The following APBB2 variants were observed in gnomAD, a reference collection of about 807,000 sequenced individuals.
APBB2 encodes Fe65-like 1.
APBB2 carries 38 observed loss-of-function variants against 82.5 expected under a neutral mutation model. The ratio of observed to expected loss-of-function variants is 0.46; its 90% CI spans 0.36 to 0.60. APBB2 has a LOEUF of 0.60. Among genes scored for constraint, APBB2 ranks in the 20% least tolerant of loss-of-function variants. The pLI is 0.00. For missense variants in APBB2, 772 were observed against 972.3 expected (o/e 0.79, Z 2.74); for synonymous variants, 341 against 368.2 (o/e 0.93, Z 0.85).
At chr4:40,883,975 G>T (rs1054782772) in intron 12 of APBB2, among the ~76,000 whole-genome samples, 4 of 152,182 alleles carry the variant, frequency 2.6e-5, no homozygotes, top group African/African-American at 9.7e-5. Flanking sequence ...CACTCATGTG[G>T]TCTTATCTCT....
At chr4:41,019,581 G>T (rs189495220) in intron 5 of APBB2, among the ~76,000 whole-genome samples, 17 of 152,294 alleles carry the variant, frequency 1.1e-4, no homozygotes, top group Admixed American at 1.1e-3. Context: ...GTCACAGAGG[G>T]GAAGGTGATG....
chr4:40,865,513 GT>G (rs1203792457), intron 12 of APBB2, among the ~76,000 whole-genome samples: 1 of 152,174 alleles, frequency 6.6e-6, no homozygotes, highest in African/African-American at 2.4e-5. Context: ...TGTCCCTGCA[GT>G]TTTGCCTTTT....
At chr4:40,825,138 G>A (rs1387236607) in intron 15 of APBB2, among the ~76,000 whole-genome samples, 1 of 152,216 alleles carries the variant, frequency 6.6e-6, no homozygotes, top group African/African-American at 2.4e-5. Flanking sequence ...CATTCAGGTT[G>A]TTTCGCTTTT....
chr4:41,031,037 C>T (rs1307782053), intron 5 of APBB2, among the ~76,000 whole-genome samples: 2 of 152,044 alleles, frequency 1.3e-5, no homozygotes. Flanking sequence ...CCAGCCTGGC[C>T]AACATGGTGA....
intron 10 of APBB2, among the ~76,000 whole-genome samples, chr4:40,906,918 A>G (rs1776916693): frequency 2.0e-5 from 3 of 152,176 alleles, no homozygotes; most frequent in Admixed American, 2.0e-4. Context: ...GTGTATATAC[A>G]TGTACATATG....
intron 12 of APBB2, among the ~76,000 whole-genome samples, chr4:40,872,859 G>A (rs566021457): frequency 6.6e-6 from 1 of 151,922 alleles, no homozygotes; most frequent in South Asian, 2.1e-4. Flanking sequence ...GCTGAGGCGG[G>A]TGGATCACCT....
At chr4:41,198,068 A>C in intron 1 of APBB2, among the ~76,000 whole-genome samples, 3 of 152,214 alleles carry the variant, frequency 2.0e-5, no homozygotes, top group Non-Finnish European at 4.4e-5. Flanking sequence ...GCAGATGTGG[A>C]GGTAGAGAAA....
chr4:41,155,944 C>T (rs1763340840), intron 1 of APBB2, among the ~76,000 whole-genome samples: 1 of 152,024 alleles, frequency 6.6e-6, no homozygotes, highest in African/African-American at 2.4e-5. Flanking sequence ...TTATTTTTCC[C>T]CTTTGTTTGT....
At chr4:41,111,622 T>G (rs1424859866) in intron 2 of APBB2, among the ~76,000 whole-genome samples, 1 of 152,220 alleles carries the variant, frequency 6.6e-6, no homozygotes, top group East Asian at 1.9e-4. Flanking sequence ...TGACTCTTGC[T>G]GATGGAAATA....
chr4:41,027,063 T>C (rs1714561718), intron 5 of APBB2, among the ~76,000 whole-genome samples: 1 of 152,172 alleles, frequency 6.6e-6, no homozygotes, highest in South Asian at 2.1e-4. Context: ...TTACAGTTTG[T>C]TTCATTTCTT....
intron 10 of APBB2, among the ~76,000 whole-genome samples, chr4:40,927,427 A>G (rs1782891300): frequency 6.6e-6 from 1 of 152,180 alleles, no homozygotes; most frequent in Non-Finnish European, 1.5e-5. Flanking sequence ...AAGGCCCATT[A>G]GATGGGCTCT....
At chr4:40,820,526 G>A (rs377029147) in intron 17 of APBB2, among the ~76,000 whole-genome samples, 80 of 152,136 alleles carry the variant, frequency 5.3e-4, no homozygotes, top group African/African-American at 1.7e-3. Context: ...TTAGCCAGGC[G>A]TGGTGGCAGG....
At chr4:40,894,185 G>C (rs1315842654) in intron 10 of APBB2, among the ~76,000 whole-genome samples, 1 of 151,890 alleles carries the variant, frequency 6.6e-6, no homozygotes, top group East Asian at 1.9e-4. Context: ...CTACTCAGGA[G>C]GCTGAAGCAG....
Position 40,821,893 on chromosome 4 carries a change from T to A in APBB2, c.2090A>T (p.Glu697Val). 6.2e-7 allele frequency: 1 copy of A among 1,613,540 alleles called. No homozygotes were observed. The highest frequency in any genetic ancestry group is 1.7e-5 in the Admixed American group (1 of 60,028). The change falls in exon 17 of 18, where the codon GAG becomes GTG. Residue 697 changes from glutamate to valine, a missense_variant. Physicochemically the swap from Glu to Val is moderately radical, Grantham distance 121. Transcript: ENST00000508593. ...WCEPNAGNVS[E>V]AVQAACMLRY... Reference sequence around the variant, plus strand: ...CACCATGCAGGCGGCCTGCACCGCCTCAGACACGTTACCAGCATTAGGCTC... The same window carrying A: ...CACCATGCAGGCGGCCTGCACCGCCACAGACACGTTACCAGCATTAGGCTC...
intron 3 of APBB2, among the ~76,000 whole-genome samples, chr4:41,067,876 G>A (rs1343822457): frequency 6.6e-6 from 1 of 152,162 alleles, no homozygotes; most frequent in African/African-American, 2.4e-5. Context: ...ATGCGTGGCT[G>A]CTGGAAGAGA....
chr4:41,183,075 C>A (rs970887221), intron 1 of APBB2, among the ~76,000 whole-genome samples: 4 of 152,148 alleles, frequency 2.6e-5, no homozygotes, highest in African/African-American at 9.7e-5. Flanking sequence ...TTGCAGTTGC[C>A]CAGGAGAGCC....
chr4:40,983,073 C>T (rs12511754), intron 6 of APBB2, among the ~76,000 whole-genome samples: 37,975 of 152,152 alleles, frequency 0.25, 4,896 homozygotes, highest in Middle Eastern at 0.31. Context: ...TTATTGAGCA[C>T]TTACCATGAA....
chr4:41,158,919 C>G (rs1423079353), intron 1 of APBB2, among the ~76,000 whole-genome samples: 1 of 152,154 alleles, frequency 6.6e-6, no homozygotes, highest in African/African-American at 2.4e-5. Flanking sequence ...CCAGGTGTGT[C>G]TGCCTCCTGC....
At chr4:40,980,898 A>G (rs1056122864) in intron 6 of APBB2, among the ~76,000 whole-genome samples, 3 of 152,212 alleles carry the variant, frequency 2.0e-5, no homozygotes, top group Admixed American at 6.5e-5. Flanking sequence ...GTGGGATGAG[A>G]GAACCACCTG....
Sources: gnomAD v4.1 joint callset for allele counts (sites outside exome capture counted in the v4.1 genomes callset) on GRCh38, gnomAD v4.1.1 for gene constraint, MANE v1.5 for transcripts, NCBI Gene and HGNC (gene_info 2026-07-23, HGNC 2026-07-21) for gene names.